The following COQ2 variants were observed in gnomAD, a reference collection of about 807,000 sequenced individuals.
COQ2 encodes 4-hydroxybenzoate polyprenyltransferase, mitochondrial.
In COQ2, 25 loss-of-function variants were observed where a neutral mutation model predicts 35.7. The observed-to-expected ratio is 0.70, with a 90% CI of 0.51 to 0.98. The LOEUF (loss-of-function observed/expected upper bound fraction) is 0.98. COQ2 is among the 50% of genes least tolerant of loss of function. The pLI is 0.00. For missense variants in COQ2, 488 were observed against 473.5 expected (o/e 1.03, Z -0.28); for synonymous variants, 206 against 186.2 (o/e 1.11, Z -0.86).
At chr4:83,264,512 C>T in intron 6 of COQ2, 149 bp from the exon 7 acceptor site, 1 of 1,199,100 alleles carries the variant, frequency 8.3e-7, no homozygotes, top group Non-Finnish European at 1.1e-6. Context: ...AGGCACATGC[C>T]TGTAGTCCCA....
chr4:83,284,692 G>T lies in COQ2; in HGVS notation c.73C>A (p.Arg25=), dbSNP rs892814467. Residue 25 remains arginine, a synonymous_variant, in exon 1 of 7, where the codon CGG becomes AGG. Transcript: ENST00000647002. ...CGCGCCAGGGCGAAGGAGCGGCCCC[G>T]CCAGCCCGGCAGCCACGCCAGTGCC... ...AVALAWLPGW[R]GRSFALARAA... 8.1e-6 allele frequency: 12 copies of T among 1,477,344 alleles called. No individual in the cohort carries two copies. The African/African-American group carries it at 1.8e-4, about 22-fold the overall frequency. The allele number at this position is 1,477,344 out of a possible 1,614,324, so 91.5% of individuals were successfully genotyped here.
chr4:83,264,396 C>T, intron 6 of COQ2, 33 bp from the exon 7 acceptor site: 2 of 1,565,832 alleles, frequency 1.3e-6, no homozygotes, highest in South Asian at 2.5e-5. Flanking sequence ...TGTATTAATA[C>T]CTAGTCTGGA....
At chr4:83,270,586 TGTA>T (rs2126172639) in intron 4 of COQ2, among the ~76,000 whole-genome samples, 1 of 152,320 alleles carries the variant, frequency 6.6e-6, no homozygotes, top group South Asian at 2.1e-4. Flanking sequence ...AAGTTGCTCA[TGTA>T]CCTTAAACTC....
Position 83,267,650 on chromosome 4 carries a change from T to A in COQ2, c.887A>T (p.Asn296Ile). 6.3e-7 allele frequency: 1 copy of A among 1,580,068 alleles called. No individual in the cohort carries two copies. Among genetic ancestry groups the A allele is most frequent in the South Asian group, 1.2e-5 (1 of 85,996 alleles). Residue 296 changes from asparagine to isoleucine, a missense_variant, in exon 6 of 7, where the codon AAC becomes ATC. Asn to Ile is a moderately radical substitution (Grantham distance 149). Transcript: ENST00000647002. Reference protein sequence around the residue: ...MLGALSLVGVNSGQTAPYYAA... With the variant: ...MLGALSLVGVISGQTAPYYAA... The stretch of plus-strand genomic sequence containing the variant: ...GTAGTAGGGAGCAGTCTGTCCACTG[T>A]TCACACCCACTAGGCTCAGTGCCCC...
chr4:83,273,405 C>A, intron 3 of COQ2, 91 bp downstream of exon 3: 2 of 1,362,320 alleles, frequency 1.5e-6, no homozygotes, highest in Non-Finnish European at 2.0e-6. Flanking sequence ...AGCAAATGAA[C>A]AACTTTGTGA....
chr4:83,274,568 G>T, intron 2 of COQ2, among the ~76,000 whole-genome samples: 1 of 152,036 alleles, frequency 6.6e-6, no homozygotes, highest in Non-Finnish European at 1.5e-5. Flanking sequence ...TCCTATTATG[G>T]GTTGTGCTTT....
At chr4:83,282,140 G>T (rs1381667537) in intron 1 of COQ2, among the ~76,000 whole-genome samples, 2 of 152,150 alleles carry the variant, frequency 1.3e-5, no homozygotes, top group African/African-American at 4.8e-5. Flanking sequence ...GTGATGGACA[G>T]ATCAAAAACA....
At chr4:83,270,064 A>T in intron 4 of COQ2, 71 bp from the exon 5 acceptor site, 1 of 1,546,328 alleles carries the variant, frequency 6.5e-7, no homozygotes, top group Non-Finnish European at 8.8e-7. Flanking sequence ...AAGGAGTGGC[A>T]TCGGAGTGTG....
At chr4:83,273,720 AAG>A in intron 2 of COQ2, 103 bp from the exon 3 acceptor site, 1 of 1,099,258 alleles carries the variant, frequency 9.1e-7, no homozygotes, top group Non-Finnish European at 1.3e-6. Context: ...AATATGAATG[AAG>A]AGAGAAATCA....
At position 83,273,589 on chromosome 4, in the gene COQ2, G is replaced by A; in HGVS notation, c.449C>T (p.Ala150Val). 1 of 1,613,404 alleles carries A rather than the reference G, an allele frequency of 6.2e-7. No individual in the cohort carries two copies. Among genetic ancestry groups the A allele is most frequent in the Non-Finnish European group, 8.5e-7 (1 of 1,179,636 alleles). The change falls in exon 3 of 7, where the codon GCC becomes GTC. Residue 150 changes from alanine (A) to valine (V), a missense_variant. Physicochemically the swap from Ala to Val is moderately conservative, Grantham distance 64. Transcript: ENST00000647002. ...KVTRTANRPIAAGDISTFQSF... is the reference protein window; with the variant it reads ...KVTRTANRPIVAGDISTFQSF... ...CTGAAAAGTTGAAATGTCTCCAGCG[G>A]CTATTGGACGATTGGCTGTTCTTGT...
chr4:83,266,521 C>G (rs1427220593), intron 6 of COQ2, among the ~76,000 whole-genome samples: 2 of 152,094 alleles, frequency 1.3e-5, no homozygotes, highest in African/African-American at 4.8e-5. Flanking sequence ...CCATGCCCAG[C>G]TAACTTTTAT....
chr4:83,269,355 T>G (rs1316289564), intron 5 of COQ2, among the ~76,000 whole-genome samples: 2 of 152,208 alleles, frequency 1.3e-5, no homozygotes, highest in Admixed American at 1.3e-4. Flanking sequence ...AAATGTTCAC[T>G]AACTACACCA....
At chr4:83,276,076 T>G (rs1446072072) in intron 2 of COQ2, among the ~76,000 whole-genome samples, 3 of 138,300 alleles carry the variant, frequency 2.2e-5, no homozygotes, top group Admixed American at 1.5e-4. Flanking sequence ...ATTTTATATA[T>G]AATATATATA....
intron 4 of COQ2, 112 bp from the exon 5 acceptor site, chr4:83,270,105 G>A: frequency 2.6e-6 from 3 of 1,150,516 alleles, no homozygotes; most frequent in Non-Finnish European, 3.7e-6. Flanking sequence ...GACTCTGTGT[G>A]TGCTGCTTTC....
At chr4:83,272,791 A>G (rs559372687) in intron 3 of COQ2, among the ~76,000 whole-genome samples, 2 of 152,318 alleles carry the variant, frequency 1.3e-5, no homozygotes, top group South Asian at 2.1e-4. Context: ...AGAAAAAAGG[A>G]AACACCTATG....
chr4:83,284,866 C>CG (rs767298430), upstream of COQ2: 117 of 1,532,820 alleles, frequency 7.6e-5, 1 homozygote, highest in South Asian at 1.4e-3. Flanking sequence ...GGCTGGGCGG[C>CG]GGTGTGGGCA....
At chr4:83,284,975 C>A, upstream of COQ2, 1 of 1,154,228 alleles carries the variant, frequency 8.7e-7, no homozygotes, top group Non-Finnish European at 1.2e-6. Context: ...TGGCAAAAGG[C>A]AAAAAAATTA....
At chr4:83,280,891 T>C (rs1735304934) in intron 1 of COQ2, among the ~76,000 whole-genome samples, 1 of 152,254 alleles carries the variant, frequency 6.6e-6, no homozygotes, top group South Asian at 2.1e-4. Context: ...CATCAGGCAG[T>C]GTTCTAAATG....
At chr4:83,266,049 T>A (rs1005493620) in intron 6 of COQ2, among the ~76,000 whole-genome samples, 2 of 152,214 alleles carry the variant, frequency 1.3e-5, no homozygotes, top group Admixed American at 1.3e-4. Context: ...AATATTAACA[T>A]ATACCCATTA....
Sources: gnomAD v4.1 joint callset for allele counts (sites outside exome capture counted in the v4.1 genomes callset) on GRCh38, gnomAD v4.1.1 for gene constraint, MANE v1.5 for transcripts, NCBI Gene and HGNC (gene_info 2026-07-23, HGNC 2026-07-21) for gene names.